Variants in STK3 observed in about 807,000 individuals in gnomAD.
STK3 encodes the protein serine/threonine-protein kinase 3.
Under a neutral mutation model 58.0 loss-of-function variants are expected in STK3, and 41 were observed. The observed-to-expected ratio is 0.71, with a 90% confidence interval of 0.55 to 0.92. STK3 has a LOEUF of 0.92. Among genes scored for constraint, STK3 ranks in the 40% least tolerant of loss-of-function variants. STK3 has a pLI of 0.00. For missense variants in STK3, 479 were observed against 602.7 expected (o/e 0.79, Z 2.15); for synonymous variants, 170 against 191.0 (o/e 0.89, Z 0.91).
intron 3 of STK3, chr8:98,429,179 C>T (rs1382988229): frequency 5.0e-6 from 8 of 1,613,690 alleles, no homozygotes; most frequent in East Asian, 4.5e-5. Flanking sequence ...CAGGCATCCT[C>T]GTGGTGGTCC....
At chr8:98,782,871 G>A (rs1832189915) in intron 1 of STK3, among the ~76,000 whole-genome samples, 1 of 151,942 alleles carries the variant, frequency 6.6e-6, no homozygotes, top group East Asian at 1.9e-4. Context: ...AGAAACAAAT[G>A]GGATGGGAAG....
At chr8:98,429,141 A>G (rs1294465684) in intron 3 of STK3, 1 of 1,613,088 alleles carries the variant, frequency 6.2e-7, no homozygotes, top group Admixed American at 1.7e-5. Context: ...CACGGCAGGA[A>G]AGCTGACTGC....
At chr8:98,443,435 A>T (rs1217360325) in intron 1 of STK3, among the ~76,000 whole-genome samples, 1 of 152,076 alleles carries the variant, frequency 6.6e-6, no homozygotes, top group Admixed American at 6.5e-5. Flanking sequence ...CTTCCCAACC[A>T]CCCTTCCAGC....
chr8:98,805,686 G>A (rs1300844531), intron 1 of STK3, among the ~76,000 whole-genome samples: 1 of 152,120 alleles, frequency 6.6e-6, no homozygotes, highest in East Asian at 1.9e-4. Context: ...AATGGGAAAG[G>A]CATTCAAATT....
chr8:98,551,885 C>T (rs1484479645), intron 8 of STK3, among the ~76,000 whole-genome samples: 1 of 152,064 alleles, frequency 6.6e-6, no homozygotes, highest in Admixed American at 6.6e-5. Context: ...ATTATAAAAT[C>T]AAGGACCTTT....
At chr8:98,376,487 T>C (rs1029233400) in intron 2 of STK3, among the ~76,000 whole-genome samples, 1 of 151,308 alleles carries the variant, frequency 6.6e-6, no homozygotes, top group Non-Finnish European at 1.5e-5. Context: ...TAAGGGCTCA[T>C]TGCCAAACCC....
chr8:98,812,011 T>C (rs1412890872), intron 1 of STK3, among the ~76,000 whole-genome samples: 1 of 152,146 alleles, frequency 6.6e-6, no homozygotes, highest in African/African-American at 2.4e-5. Context: ...GGTTTCACCA[T>C]GTTGGCCAGG....
chr8:98,518,071 A>T (rs1415715780), intron 10 of STK3, among the ~76,000 whole-genome samples: 1 of 152,076 alleles, frequency 6.6e-6, no homozygotes, highest in African/African-American at 2.4e-5. Context: ...TACTATGAGG[A>T]GAGTTTGTGC....
chr8:98,857,449 A>G (rs892586466), intron 3 of STK3, among the ~76,000 whole-genome samples: 4 of 150,194 alleles, frequency 2.7e-5, no homozygotes, highest in African/African-American at 1.0e-4. Flanking sequence ...GAATCTATGC[A>G]CAAGAACAGC....
intron 6 of STK3, among the ~76,000 whole-genome samples, chr8:98,646,955 G>A (rs575434331): frequency 2.4e-4 from 37 of 152,130 alleles, no homozygotes; most frequent in African/African-American, 8.7e-4. Context: ...CAAAACCTAA[G>A]TAATCCTTTA....
rs780598230 is a variant in STK3, at chr8:98,570,637, G to A, written c.948+9027C>T. 3.9e-5 allele frequency among the ~76,000 whole-genome samples: 6 copies of A among 151,978 alleles called. No homozygotes were observed. The South Asian group carries it at 6.2e-4, about 16-fold the overall frequency. On this transcript the variant is annotated intron_variant, in intron 8 of 10. Coordinates refer to ENST00000419617, the MANE Select transcript of STK3 (RefSeq NM_006281.4). ...TAAGGGCAACCAGCAAAAAAAACCC[G>A]AAAACTAAACAAACAGAACAATAAC...
At chr8:98,929,296 T>A (rs1365106596) in intron 1 of STK3, among the ~76,000 whole-genome samples, 1 of 151,856 alleles carries the variant, frequency 6.6e-6, no homozygotes, top group Non-Finnish European at 1.5e-5. Flanking sequence ...AAAAACTAAC[T>A]AGAGAAACTA....
intron 6 of STK3, among the ~76,000 whole-genome samples, chr8:98,671,021 G>A (rs560955872): frequency 6.6e-5 from 10 of 152,188 alleles, no homozygotes; most frequent in South Asian, 4.1e-4. Context: ...CTGCTCCTGC[G>A]AGCCCAGCAA....
At chr8:98,408,934 ATT>A (rs1818026717) in intron 3 of STK3, among the ~76,000 whole-genome samples, 1 of 152,154 alleles carries the variant, frequency 6.6e-6, no homozygotes, top group Non-Finnish European at 1.5e-5. Flanking sequence ...ATGTGACCCA[ATT>A]TTGAGTTTGA....
chr8:98,650,976 T>G (rs1820867570), intron 6 of STK3, among the ~76,000 whole-genome samples: 1 of 152,238 alleles, frequency 6.6e-6, no homozygotes, highest in Admixed American at 6.5e-5. Context: ...CTGAACAGCT[T>G]TGAAGACAGC....
chr8:98,696,345 T>G (rs1247213626), intron 6 of STK3, among the ~76,000 whole-genome samples: 218 of 151,878 alleles, frequency 1.4e-3, no homozygotes, highest in East Asian at 8.9e-3. Context: ...GAATACCCTT[T>G]ATTTCCTTCT....
chr8:98,577,694 C>A (rs1813524305), intron 8 of STK3, among the ~76,000 whole-genome samples: 2 of 152,084 alleles, frequency 1.3e-5, no homozygotes, highest in African/African-American at 4.8e-5. Context: ...CTGATGAACA[C>A]TTAGATTGCA....
chr8:98,653,343 G>A (rs533780971), intron 6 of STK3, among the ~76,000 whole-genome samples: 1 of 152,162 alleles, frequency 6.6e-6, no homozygotes, highest in Non-Finnish European at 1.5e-5. Context: ...GTGTGTAGAG[G>A]GAAATTTATA....
At chr8:98,510,745 G>A (rs562406674) in intron 10 of STK3, among the ~76,000 whole-genome samples, 1 of 152,146 alleles carries the variant, frequency 6.6e-6, no homozygotes, top group South Asian at 2.1e-4. Flanking sequence ...CTTCAATTTT[G>A]CAAGCATTTG....
Sources: allele counts gnomAD v4.1 joint callset (sites outside exome capture counted in the v4.1 genomes callset), GRCh38; gene constraint gnomAD v4.1.1; transcripts MANE v1.5; gene names NCBI Gene and HGNC (gene_info 2026-07-23, HGNC 2026-07-21).